Variants in KCNQ1 observed in about 807,000 individuals in gnomAD.
KCNQ1 encodes potassium voltage-gated channel subfamily KQT member 1.
A neutral mutation model predicts 72.4 loss-of-function variants in KCNQ1; 49 were observed. That is an observed-to-expected ratio of 0.68 (90% CI 0.54 to 0.86). KCNQ1 has a LOEUF of 0.86. Among genes scored for constraint, KCNQ1 ranks in the 40% least tolerant of loss-of-function variants. The probability of loss-of-function intolerance (pLI) is 0.00; values close to 1 mark genes in which losing one functional copy is unlikely to be tolerated. For synonymous variants in KCNQ1, 450 were observed against 412.6 expected (o/e 1.09, Z -1.10); for missense variants, 790 against 945.1 (o/e 0.84, Z 2.15).
At chr11:2,517,639 C>T (rs542752034) in intron 1 of KCNQ1, among the ~76,000 whole-genome samples, 1 of 152,310 alleles carries the variant, frequency 6.6e-6, no homozygotes, top group East Asian at 1.9e-4. Context: ...ACCTCCTGCA[C>T]CTGTCCTGAC....
At chr11:2,733,817 C>CTA (rs1845899576) in intron 11 of KCNQ1, among the ~76,000 whole-genome samples, 1 of 41,486 alleles carries the variant, frequency 2.4e-5, no homozygotes, top group Non-Finnish European at 5.4e-5. Context: ...CACACACACT[C>CTA]TCTCACTCTC....
intron 11 of KCNQ1, among the ~76,000 whole-genome samples, chr11:2,717,717 A>C (rs58762055): frequency 0.16 from 24,214 of 152,218 alleles, 5,040 homozygotes; most frequent in African/African-American, 0.48. Context: ...AAACGGAAAG[A>C]CAGATGGCAG....
rs1846564523 is a variant in KCNQ1 at position 2,769,973 on chromosome 11, G to A, written c.1590+1054G>A. Among the ~76,000 whole-genome samples the A allele has an allele frequency of 6.6e-6, 1 of 152,090 alleles. No individual in the cohort carries two copies. The highest frequency in any genetic ancestry group is 6.5e-5 in the Admixed American group (1 of 15,280). On this transcript the variant is annotated intron_variant, in intron 12 of 15. Coordinates refer to ENST00000155840, the MANE Select transcript of KCNQ1 (RefSeq NM_000218.3). The surrounding 1 kb of genome is among the most constrained non-coding windows in gnomAD (Gnocchi z 4.6). ...CTGGAGCCACTGAGCTCCCTGCTAG[G>A]GTCTGGTCAGGGCTTATGGGGGCCT...
chr11:2,580,056 A>T (rs980648934), intron 6 of KCNQ1, among the ~76,000 whole-genome samples: 3 of 152,192 alleles, frequency 2.0e-5, no homozygotes, highest in African/African-American at 7.2e-5. Flanking sequence ...AAATATATTA[A>T]AATAATTTAA....
intron 15 of KCNQ1, among the ~76,000 whole-genome samples, chr11:2,793,077 G>C (rs1847062672): frequency 6.6e-6 from 1 of 152,204 alleles, no homozygotes; most frequent in Admixed American, 6.5e-5. Flanking sequence ...GGCAGGAGCT[G>C]CTGAGGAGAT....
chr11:2,653,667 T>A lies in KCNQ1; in HGVS notation c.1394-8294T>A. On this transcript the variant is annotated intron_variant, in intron 10 of 15. Coordinates refer to ENST00000155840, the MANE Select transcript of KCNQ1 (RefSeq NM_000218.3). This position sits in a 1 kb window ranked among gnomAD's most constrained non-coding sequence, Gnocchi z 5.3. ...TAAAAGGGGCAAAATGGCCACCAGCTTGCATTCAACAGCTCAGGAAGCCCA... is the reference window on the plus strand; with the variant it reads ...TAAAAGGGGCAAAATGGCCACCAGCATGCATTCAACAGCTCAGGAAGCCCA... 7.5e-6 allele frequency: 3 copies of A among 398,714 alleles called. No individual in the cohort carries two copies. Among genetic ancestry groups the A allele is most frequent in the Non-Finnish European group, 1.3e-5 (3 of 226,106 alleles). 24.7% of individuals were successfully genotyped at this position (398,714 alleles called of 1,614,324 possible). A position where few individuals can be genotyped will look rare whatever the true frequency, so the allele number is the denominator to read the frequency against.
intron 6 of KCNQ1, 74 bp downstream of exon 6, chr11:2,573,060 G>T: frequency 1.3e-6 from 2 of 1,537,982 alleles, no homozygotes; most frequent in Non-Finnish European, 1.8e-6. Flanking sequence ...CTGGGCACTG[G>T]TGTCTTGAGA....
chr11:2,801,439 A>C (rs1847261893), intron 15 of KCNQ1, among the ~76,000 whole-genome samples: 1 of 152,178 alleles, frequency 6.6e-6, no homozygotes, highest in African/African-American at 2.4e-5. Flanking sequence ...TGGAGGCTGG[A>C]AGTCCGAGAG....
At chr11:2,609,809 T>G (rs1010382079) in intron 10 of KCNQ1, 2 of 398,244 alleles carry the variant, frequency 5.0e-6, no homozygotes, top group South Asian at 2.5e-4. Flanking sequence ...TAATTTAAAA[T>G]CTCCTTTGAC....
chr11:2,780,158 C>T (rs943481438), intron 15 of KCNQ1, among the ~76,000 whole-genome samples: 1 of 152,156 alleles, frequency 6.6e-6, no homozygotes, highest in African/African-American at 2.4e-5. Flanking sequence ...ACCTGGCTGC[C>T]CATCAAGGAG....
chr11:2,700,938 T>A (rs769949925), intron 11 of KCNQ1, among the ~76,000 whole-genome samples: 14 of 152,268 alleles, frequency 9.2e-5, no homozygotes, highest in African/African-American at 4.8e-5. Context: ...GTTCACACCC[T>A]GAGGCTTCCC....
chr11:2,730,826 G>A (rs1845846502), intron 11 of KCNQ1, among the ~76,000 whole-genome samples: 1 of 152,206 alleles, frequency 6.6e-6, no homozygotes, highest in Non-Finnish European at 1.5e-5. Flanking sequence ...GAGGGATGGG[G>A]GACAGACGCT....
intron 15 of KCNQ1, among the ~76,000 whole-genome samples, chr11:2,795,736 A>G (rs1847115535): frequency 6.6e-6 from 1 of 152,218 alleles, no homozygotes; most frequent in Non-Finnish European, 1.5e-5. Context: ...GCAAGAAACA[A>G]TATTTTTCTG....
Position 2,670,752 on chromosome 11 carries a change from G to A in KCNQ1, c.1514+8671G>A, listed in dbSNP as rs1850169545. On this transcript the variant is annotated intron_variant, in intron 11 of 15. Coordinates refer to ENST00000155840, the MANE Select transcript of KCNQ1 (RefSeq NM_000218.3). This position sits in a 1 kb window ranked among gnomAD's most constrained non-coding sequence, Gnocchi z 4.9. The stretch of plus-strand genomic sequence containing the variant: ...GTCTGCAGATATTATCTGGGCACTG[G>A]CCAGTGGCTCTTGTGGCTGCCCTCT... 5.0e-6 allele frequency: 2 copies of A among 398,506 alleles called. No homozygotes were observed. The highest frequency in any genetic ancestry group is 4.4e-5 in the Admixed American group (1 of 22,714). The allele number at this position is 398,506 out of a possible 1,614,324, so 24.7% of individuals were successfully genotyped here.
Position 2,658,583 on chromosome 11 carries a change from G to A in KCNQ1, c.1394-3378G>A, listed in dbSNP as rs920364876. ...ATCATCCATTCATCCAGAGAGCCCT[G>A]GCTCCCTGGAGAATGAATAGAAAAC... is the stretch of plus-strand genomic sequence containing the variant. On this transcript the variant is annotated intron_variant, in intron 10 of 15. Coordinates refer to ENST00000155840, the MANE Select transcript of KCNQ1 (RefSeq NM_000218.3). The surrounding 1 kb of genome is among the most constrained non-coding windows in gnomAD (Gnocchi z 4.9). 18 of 270,858 alleles carry A rather than the reference G, an allele frequency of 6.6e-5. No homozygotes were observed. Among genetic ancestry groups the A allele is most frequent in the Non-Finnish European group, 1.0e-4 (17 of 167,284 alleles). The allele number at this position is 270,858 out of a possible 1,614,324, so 16.8% of individuals were successfully genotyped here. A position where few individuals can be genotyped will look rare whatever the true frequency, so the allele number is the denominator to read the frequency against.
rs1227178667 is a variant in KCNQ1 at position 2,471,941 on chromosome 11, C to T, written c.386+26457C>T. Reference sequence around the variant, plus strand: ...GTGTGTATAGGCGTGTATGTGTGCGCGTGTGTAGGTGTGTGTTCATATATA... The same window carrying T: ...GTGTGTATAGGCGTGTATGTGTGCGTGTGTGTAGGTGTGTGTTCATATATA... On this transcript the variant is annotated intron_variant, in intron 1 of 15. Transcript: ENST00000155840. This position sits in a 1 kb window ranked among gnomAD's most constrained non-coding sequence, Gnocchi z 4.8. Among the ~76,000 whole-genome samples, 2 of 138,290 alleles carry T rather than the reference C, an allele frequency of 1.4e-5. No individual in the cohort carries two copies. Among genetic ancestry groups the T allele is most frequent in the Admixed American group, 7.2e-5 (1 of 13,982 alleles). 90.7% of individuals were successfully genotyped at this position (138,290 alleles called of 152,430 possible).
At chr11:2,721,621 TTGG>T (rs1460625987) in intron 11 of KCNQ1, among the ~76,000 whole-genome samples, 1 of 152,022 alleles carries the variant, frequency 6.6e-6, no homozygotes, top group African/African-American at 2.4e-5. Flanking sequence ...TCGCGTAGAG[TTGG>T]TGGGGGCAGC....
At chr11:2,791,123 C>T (rs1177485270) in intron 15 of KCNQ1, among the ~76,000 whole-genome samples, 1 of 152,234 alleles carries the variant, frequency 6.6e-6, no homozygotes, top group African/African-American at 2.4e-5. Flanking sequence ...AAATTCAGCT[C>T]AAGTGTGTGT....
chr11:2,662,778 G>C (rs1040234300), intron 11 of KCNQ1: 1 of 399,176 alleles, frequency 2.5e-6, no homozygotes, highest in African/African-American at 2.1e-5. Context: ...GATTCCCCTT[G>C]ATAAATGTCT....
Sources: allele counts gnomAD v4.1 joint callset (sites outside exome capture counted in the v4.1 genomes callset), GRCh38; gene constraint gnomAD v4.1.1; non-coding constraint Gnocchi (gnomAD v3.1); transcripts MANE v1.5; gene names NCBI Gene and HGNC (gene_info 2026-07-23, HGNC 2026-07-21).